SVIL: variants seen among roughly 807,000 people sequenced by gnomAD.
SVIL encodes the protein supervillin.
A neutral mutation model predicts 240.4 loss-of-function variants in SVIL; 101 were observed. That is an observed-to-expected ratio of 0.42 (90% CI 0.36 to 0.50). SVIL has a LOEUF of 0.50. SVIL is among the 20% of genes least tolerant of loss of function. The pLI is 0.01. For missense variants in SVIL, 2,512 were observed against 2,818.7 expected (o/e 0.89, Z 2.46); for synonymous variants, 999 against 1,100.0 (o/e 0.91, Z 1.82).
chr10:29,548,201 T>C, intron 6 of SVIL, among the ~76,000 whole-genome samples: 1 of 151,974 alleles, frequency 6.6e-6, no homozygotes, highest in East Asian at 1.9e-4. Flanking sequence ...GTCTGCTTCA[T>C]ATGTGTTACT....
intron 1 of SVIL, among the ~76,000 whole-genome samples, chr10:29,583,853 C>T (rs1175629828): frequency 6.6e-6 from 1 of 152,182 alleles, no homozygotes; most frequent in Non-Finnish European, 1.5e-5. Context: ...TGACTCAAGA[C>T]ACGTTTATGC....
At chr10:29,623,655 C>T (rs1310897369) in intron 1 of SVIL, among the ~76,000 whole-genome samples, 1 of 152,192 alleles carries the variant, frequency 6.6e-6, no homozygotes, top group East Asian at 1.9e-4. Context: ...TTGAGACCAT[C>T]CTGGCTAACA....
At chr10:29,697,142 G>T (rs1380458970) in intron 1 of SVIL, among the ~76,000 whole-genome samples, 1 of 89,884 alleles carries the variant, frequency 1.1e-5, no homozygotes, top group African/African-American at 5.3e-5. Context: ...GGAGGGAGGT[G>T]GGGGGGGTCA....
At chr10:29,672,073 A>G (rs1350921138) in intron 2 of SVIL, among the ~76,000 whole-genome samples, 1 of 152,210 alleles carries the variant, frequency 6.6e-6, no homozygotes, top group African/African-American at 2.4e-5. Flanking sequence ...CTCCAGAAAT[A>G]TCTCCAAACA....
chr10:29,522,871 G>C (rs1461861328), intron 15 of SVIL, among the ~76,000 whole-genome samples: 3 of 152,192 alleles, frequency 2.0e-5, no homozygotes, highest in Admixed American at 2.0e-4. Context: ...TCCTGTGTGC[G>C]AGACACAGGA....
intron 9 of SVIL, 107 bp from the exon 10 acceptor site, chr10:29,531,395 T>C (rs1199549508): frequency 8.8e-7 from 1 of 1,134,506 alleles, no homozygotes; most frequent in Non-Finnish European, 1.3e-6. Flanking sequence ...TTAAATTCTT[T>C]TAAGAAATAA....
chr10:29,539,691 C>T lies in SVIL; in HGVS notation c.828-3622G>A, dbSNP rs150169143. Among the ~76,000 whole-genome samples, 555 of 152,312 alleles carry T rather than the reference C, an allele frequency of 3.6e-3. 3 individuals are homozygous for T. Among genetic ancestry groups the T allele is most frequent in the South Asian group, 7.0e-3 (34 of 4,832 alleles). On this transcript the variant is annotated intron_variant, in intron 6 of 37. Transcript: ENST00000355867. ...CCCCTCTTCTGTCTCCCATCTCCCC[C>T]ATCAGACTTCTTAGCTGAGTTCTCC...
upstream of SVIL, among the ~76,000 whole-genome samples, chr10:29,639,918 C>T (rs146937022): frequency 7.2e-3 from 1,092 of 152,280 alleles, 8 homozygotes; most frequent in Middle Eastern, 0.017. Context: ...ACTTTGGAGG[C>T]CAGTCTAACT....
chr10:29,603,099 C>G (rs188668418), intron 1 of SVIL, among the ~76,000 whole-genome samples: 1 of 152,168 alleles, frequency 6.6e-6, no homozygotes, highest in Non-Finnish European at 1.5e-5. Flanking sequence ...ACTCCTTCCC[C>G]TTGCTGGATG....
chr10:29,579,974 G>T (rs1161514595), intron 1 of SVIL, among the ~76,000 whole-genome samples: 1 of 151,990 alleles, frequency 6.6e-6, no homozygotes, highest in Non-Finnish European at 1.5e-5. Context: ...GAGAAAACCA[G>T]GATAGTGCCT....
At chr10:29,730,224 A>C (rs1479465835) in intron 1 of SVIL, among the ~76,000 whole-genome samples, 1 of 152,178 alleles carries the variant, frequency 6.6e-6, no homozygotes, top group Non-Finnish European at 1.5e-5. Flanking sequence ...AGAGAACTGT[A>C]ATGTGCAAAG....
chr10:29,527,077 G>C, intron 12 of SVIL, 21 bp from the exon 13 acceptor site: 1 of 1,599,262 alleles, frequency 6.3e-7, no homozygotes, highest in Non-Finnish European at 8.6e-7. Context: ...AATTGCCAAA[G>C]AGGAAACATT....
intron 1 of SVIL, among the ~76,000 whole-genome samples, chr10:29,712,950 G>A (rs1185820846): frequency 6.6e-6 from 1 of 152,200 alleles, no homozygotes; most frequent in Admixed American, 6.5e-5. Context: ...GCTGAGGCAG[G>A]TGGATCACTT....
chr10:29,694,064 C>G lies in SVIL; in HGVS notation c.-399-7413G>C, dbSNP rs376031234. Reference sequence around the variant, plus strand: ...CCTCTCCCATCCCATAGACAGCCCCCCTACCCAGAATTGTAATGAACGAAC... The same window carrying G: ...CCTCTCCCATCCCATAGACAGCCCCGCTACCCAGAATTGTAATGAACGAAC... On this transcript the variant is annotated intron_variant, in intron 1 of 35. Transcript: ENST00000375400. 1.3e-4 allele frequency among the ~76,000 whole-genome samples: 19 copies of G among 151,990 alleles called. No individual in the cohort carries two copies. The East Asian group carries it at 2.9e-3, about 23-fold the overall frequency.
In SVIL at chr10:29,473,065, G is replaced by A. The variant is rs149562735; in HGVS notation, c.5529+773C>T. 6.4e-3 allele frequency among the ~76,000 whole-genome samples: 967 copies of A among 152,206 alleles called. 11 individuals carry two copies. The highest frequency in any genetic ancestry group is 0.022 in the African/African-American group (930 of 41,514). On this transcript the variant is annotated intron_variant, in intron 30 of 37. Transcript: ENST00000355867. ...TCCAGACAGTGGAATGGGTCACAGG[G>A]CAGGAGGTGAGTGGAAGGAGGTGGC...
intron 17 of SVIL, among the ~76,000 whole-genome samples, chr10:29,500,857 C>T (rs1948832435): frequency 1.3e-5 from 2 of 152,182 alleles, no homozygotes; most frequent in South Asian, 4.2e-4. Flanking sequence ...CACTGACCCA[C>T]GAGAGAGAAC....
At chr10:29,464,770 G>T (rs1944695006) in intron 34 of SVIL, among the ~76,000 whole-genome samples, 1 of 149,812 alleles carries the variant, frequency 6.7e-6, no homozygotes, top group Non-Finnish European at 1.5e-5. Flanking sequence ...CCCGGTGCAA[G>T]ATGAGGTCCC....
At chr10:29,618,359 C>T (rs1326751106) in intron 1 of SVIL, among the ~76,000 whole-genome samples, 1 of 152,212 alleles carries the variant, frequency 6.6e-6, no homozygotes, top group South Asian at 2.1e-4. Context: ...TTTCTGACTA[C>T]AACAGGCTGT....
upstream of SVIL, among the ~76,000 whole-genome samples, chr10:29,639,235 G>A (rs1035827488): frequency 3.3e-5 from 5 of 151,950 alleles, no homozygotes; most frequent in African/African-American, 4.8e-5. Context: ...GCAGTGGCGC[G>A]ATCTTGGCTC....
Sources: gnomAD v4.1 joint callset for allele counts (sites outside exome capture counted in the v4.1 genomes callset) on GRCh38, gnomAD v4.1.1 for gene constraint, MANE v1.5 for transcripts, NCBI Gene and HGNC (gene_info 2026-07-23, HGNC 2026-07-21) for gene names.